HAO1: variants seen among roughly 807,000 people sequenced by gnomAD.
The protein encoded by HAO1 is hydroxyacid oxidase 1, also known as 2-Hydroxyacid oxidase 1.
A neutral mutation model predicts 39.7 loss-of-function variants in HAO1; 34 were observed. The observed-to-expected ratio is 0.86, with a 90% CI of 0.65 to 1.14. HAO1 has a LOEUF of 1.14. Among genes scored for constraint, HAO1 ranks in the 50% most tolerant of loss-of-function variants. HAO1 has a pLI of 0.00. For synonymous variants in HAO1, 172 were observed against 173.2 expected (o/e 0.99, Z 0.05); for missense variants, 479 against 464.5 (o/e 1.03, Z -0.29).
At chr20:7,924,903 C>T (rs893044652) in intron 2 of HAO1, among the ~76,000 whole-genome samples, 1 of 152,114 alleles carries the variant, frequency 6.6e-6, no homozygotes, top group African/African-American at 2.4e-5. Flanking sequence ...GTCATCTGCA[C>T]AGGAAGTCAT....
Position 7,885,881 on chromosome 20 carries a change from T to G in HAO1, c.814-17A>C. On this transcript the variant is annotated splice_polypyrimidine_tract_variant and intron_variant, in intron 5 of 7. Coordinates refer to ENST00000378789, the MANE Select transcript of HAO1 (RefSeq NM_017545.3). ...AACATCAATCTGGGGAAAGAAAAGT[T>G]CAATAATGTGACTCTATTAACACTG... The G allele has an allele frequency of 1.0e-5, 16 of 1,607,504 alleles. No homozygotes were observed. Among genetic ancestry groups the G allele is most frequent in the Non-Finnish European group, 1.3e-5 (15 of 1,174,372 alleles).
chr20:7,932,697 G>A (rs931922267), intron 2 of HAO1, among the ~76,000 whole-genome samples: 12 of 151,908 alleles, frequency 7.9e-5, no homozygotes, highest in African/African-American at 1.2e-4. Flanking sequence ...TAAATTTGAT[G>A]TCATTTTTAT....
intron 7 of HAO1, among the ~76,000 whole-genome samples, chr20:7,884,759 A>G (rs908360628): frequency 6.6e-6 from 1 of 152,146 alleles, no homozygotes; most frequent in East Asian, 1.9e-4. Context: ...AACCACTATA[A>G]AGACTCTGGC....
At chr20:7,909,381 A>ATATATATATATATATATATATG (rs2050265959) in intron 3 of HAO1, among the ~76,000 whole-genome samples, 31 of 72,930 alleles carry the variant, frequency 4.3e-4, no homozygotes, top group South Asian at 3.7e-3. Flanking sequence ...ATATATATGT[A>ATATATATATATATATATATATG]TATATATATA....
At chr20:7,885,362 A>G (rs2050145820) in intron 7 of HAO1, 159 bp downstream of exon 7, 3 of 624,896 alleles carry the variant, frequency 4.8e-6, no homozygotes, top group African/African-American at 3.7e-5. Flanking sequence ...GAGACTGCAC[A>G]TGCAGAGTTC....
At chr20:7,893,880 C>T (rs928195472) in intron 5 of HAO1, among the ~76,000 whole-genome samples, 5 of 152,102 alleles carry the variant, frequency 3.3e-5, no homozygotes, top group African/African-American at 1.2e-4. Context: ...TCTGTCTATA[C>T]AGTGGACAAG....
intron 5 of HAO1, among the ~76,000 whole-genome samples, chr20:7,889,825 T>C (rs1424806886): frequency 6.6e-6 from 1 of 152,196 alleles, no homozygotes; most frequent in Non-Finnish European, 1.5e-5. Context: ...ACTGTGAAGA[T>C]GTTTGGGCTT....
At chr20:7,903,085 T>C (rs1234207910) in intron 4 of HAO1, among the ~76,000 whole-genome samples, 2 of 152,130 alleles carry the variant, frequency 1.3e-5, no homozygotes, top group African/African-American at 4.8e-5. Context: ...ATGGAGAAAA[T>C]TGGATTTCCC....
intron 3 of HAO1, 97 bp downstream of exon 3, chr20:7,914,067 G>A: frequency 7.7e-7 from 1 of 1,296,678 alleles, no homozygotes; most frequent in African/African-American, 1.5e-5. Flanking sequence ...AGATTAACTA[G>A]ATGTTTAGCA....
intron 3 of HAO1, among the ~76,000 whole-genome samples, chr20:7,913,286 C>A (rs1287506803): frequency 1.3e-5 from 2 of 151,226 alleles, no homozygotes; most frequent in Non-Finnish European, 2.9e-5. Context: ...CTGATGGATG[C>A]TGTAGGAGTC....
intron 4 of HAO1, among the ~76,000 whole-genome samples, chr20:7,895,459 A>G (rs1388413056): frequency 1.3e-5 from 2 of 152,170 alleles, no homozygotes; most frequent in Non-Finnish European, 2.9e-5. Flanking sequence ...AAAATATACA[A>G]AAGTATCAAT....
chr20:7,936,503 C>CGTGGGTGTGTGTGTGTGTGT (rs2050410854), intron 1 of HAO1, among the ~76,000 whole-genome samples: 1 of 109,144 alleles, frequency 9.2e-6, no homozygotes, highest in Non-Finnish European at 1.8e-5. Context: ...GGGCAGCAGC[C>CGTGGGTGTGTGTGTGTGTGT]GTGTGTGTGT....
At chr20:7,919,313 C>A (rs553118674) in intron 2 of HAO1, among the ~76,000 whole-genome samples, 1 of 152,266 alleles carries the variant, frequency 6.6e-6, no homozygotes, top group African/African-American at 2.4e-5. Context: ...AAGATAGACA[C>A]CTACACTTTT....
Position 7,883,584 on chromosome 20 carries a change from T to C in HAO1, c.*9A>G. The C allele has an allele frequency of 6.2e-7, 1 of 1,601,864 alleles. No homozygotes were observed. Among genetic ancestry groups the C allele is most frequent in the Non-Finnish European group, 8.6e-7 (1 of 1,168,904 alleles). On this transcript the variant is annotated 3_prime_UTR_variant, in exon 8 of 8. Transcript: ENST00000378789. ...AAAAATAATACAGATGGGAAAATAT[T>C]GTGCACTGTCAGATCTTGGAAACGG...
At chr20:7,912,576 T>A (rs935914981) in intron 3 of HAO1, among the ~76,000 whole-genome samples, 1 of 98,430 alleles carries the variant, frequency 1.0e-5, no homozygotes, top group East Asian at 2.8e-3. Flanking sequence ...ATTTAGAAAG[T>A]CTTTAAAAAA....
intron 1 of HAO1, among the ~76,000 whole-genome samples, chr20:7,938,049 G>A (rs916477386): frequency 1.1e-4 from 17 of 152,108 alleles, no homozygotes; most frequent in East Asian, 5.8e-4. Flanking sequence ...AGATGGGGAG[G>A]TGTATAAATT....
intron 5 of HAO1, among the ~76,000 whole-genome samples, chr20:7,891,422 G>A (rs899526821): frequency 1.3e-4 from 20 of 151,998 alleles, no homozygotes; most frequent in South Asian, 4.2e-4. Context: ...GTATGAGTTC[G>A]TTGTAGATTC....
chr20:7,897,699 T>C (rs1335828725), intron 4 of HAO1, among the ~76,000 whole-genome samples: 3 of 152,148 alleles, frequency 2.0e-5, no homozygotes, highest in Admixed American at 1.3e-4. Flanking sequence ...TATTTTCAAC[T>C]TTTTTGAGTA....
intron 3 of HAO1, among the ~76,000 whole-genome samples, chr20:7,911,954 G>A (rs2250429): frequency 0.077 from 11,668 of 152,282 alleles, 538 homozygotes; most frequent in East Asian, 0.21. Context: ...AGAGCTGAAT[G>A]TGGGCCACTG....
Sources: allele counts gnomAD v4.1 joint callset (sites outside exome capture counted in the v4.1 genomes callset), GRCh38; gene constraint gnomAD v4.1.1; transcripts MANE v1.5; gene names NCBI Gene and HGNC (gene_info 2026-07-23, HGNC 2026-07-21).